The following DYSF variants were observed in gnomAD, a reference collection of about 807,000 sequenced individuals.
DYSF encodes dystrophy-associated fer-1-like 1.
Under a neutral mutation model 274.9 loss-of-function variants are expected in DYSF, and 212 were observed. The ratio of observed to expected loss-of-function variants is 0.77; its 90% CI spans 0.69 to 0.86. The LOEUF (loss-of-function observed/expected upper bound fraction) is 0.86. DYSF is among the 40% of genes least tolerant of loss of function. The pLI is 0.00. For missense variants in DYSF, 2,666 were observed against 2,783.2 expected (o/e 0.96, Z 0.95); for synonymous variants, 1,091 against 1,078.7 (o/e 1.01, Z -0.22).
intron 49 of DYSF, 119 bp from the exon 50 acceptor site, chr2:71,668,993 C>A: frequency 7.8e-7 from 1 of 1,286,802 alleles, no homozygotes; most frequent in Non-Finnish European, 1.1e-6. Context: ...GGGCCAGTGT[C>A]CAGCCAGGCA....
intron 16 of DYSF, among the ~76,000 whole-genome samples, chr2:71,536,973 AAAC>A (rs568522624): frequency 1.3e-5 from 2 of 152,034 alleles, no homozygotes; most frequent in Non-Finnish European, 2.9e-5. Context: ...AAACCAAACC[AAAC>A]AACAACAACA....
At chr2:71,546,610 C>T (rs4852805) in intron 17 of DYSF, among the ~76,000 whole-genome samples, 90,733 of 152,116 alleles carry the variant, frequency 0.6, 28,212 homozygotes, top group Middle Eastern at 0.73. Flanking sequence ...GTAACAGGCA[C>T]GTGAGCTCTG....
In DYSF at chr2:71,660,570, A is replaced by T; in HGVS notation, c.4922A>T (p.Tyr1641Phe). 6.2e-7 allele frequency: 1 copy of T among 1,613,964 alleles called. No individual in the cohort carries two copies. The highest frequency in any genetic ancestry group is 8.5e-7 in the Non-Finnish European group (1 of 1,179,810). ...PKDPNGKCDP[Y>F]IKISIGKKSV... Reference sequence around the variant, plus strand: ...TGTCTCCTCCTCCAGTGTGATCCTTACATCAAGATCTCCATAGGGAAGAAA... The same window carrying T: ...TGTCTCCTCCTCCAGTGTGATCCTTTCATCAAGATCTCCATAGGGAAGAAA... Residue 1641 changes from tyrosine (Y) to phenylalanine (F), a missense_variant, in exon 45 of 56, where the codon TAC (tyrosine) becomes TTC (phenylalanine). This residue lies in a region of DYSF where 1,460 missense variants were observed against 1,502.1 expected (regional missense o/e 0.97). Transcript: ENST00000410020.
chr2:71,600,661 G>C (rs2093527840), intron 33 of DYSF, 41 bp from the exon 34 acceptor site: 1 of 1,613,582 alleles, frequency 6.2e-7, no homozygotes. Context: ...TAGAGCCCTG[G>C]GTAAGGGATG....
chr2:71,490,126 A>G (rs2083706649), intron 3 of DYSF, among the ~76,000 whole-genome samples: 2 of 152,320 alleles, frequency 1.3e-5, no homozygotes, highest in South Asian at 4.1e-4. Context: ...AGTGTGCACT[A>G]GCATTGCATA....
intron 32 of DYSF, among the ~76,000 whole-genome samples, chr2:71,592,171 C>T (rs1191842947): frequency 6.6e-6 from 1 of 152,154 alleles, no homozygotes; most frequent in Non-Finnish European, 1.5e-5. Context: ...CAGAAGCCCC[C>T]TTGTCCTCTG....
chr2:71,459,714 G>A (rs974491223), intron 1 of DYSF, among the ~76,000 whole-genome samples: 1 of 152,126 alleles, frequency 6.6e-6, no homozygotes, highest in South Asian at 2.1e-4. Flanking sequence ...ACCAGTGACC[G>A]CTTCTGAGAC....
intron 3 of DYSF, among the ~76,000 whole-genome samples, chr2:71,495,884 T>G (rs1386589325): frequency 6.6e-6 from 1 of 150,948 alleles, no homozygotes; most frequent in Non-Finnish European, 1.5e-5. Flanking sequence ...ACTGTGGGTG[T>G]GGAGGCATGG....
chr2:71,496,561 G>A lies in DYSF; in HGVS notation c.240-6653G>A, dbSNP rs10166384. 0.61 allele frequency among the ~76,000 whole-genome samples: 92,271 copies of A among 151,878 alleles called. 28,494 individuals carry two copies. The highest frequency in any genetic ancestry group is 0.65 in the Non-Finnish European group (44,002 of 67,920). ...TAGCTGTCTATGTACCGACATAGACGGTAGGGGCTGTCCTGAGTTGCTGGA... is the reference window on the plus strand; with the variant it reads ...TAGCTGTCTATGTACCGACATAGACAGTAGGGGCTGTCCTGAGTTGCTGGA... On this transcript the variant is annotated intron_variant, in intron 3 of 55. Transcript: ENST00000410020.
intron 3 of DYSF, among the ~76,000 whole-genome samples, chr2:71,482,988 G>A (rs542781875): frequency 1.3e-5 from 2 of 152,262 alleles, no homozygotes; most frequent in South Asian, 4.1e-4. Flanking sequence ...GGCAGAAGGG[G>A]TTGGGGAGGA....
intron 45 of DYSF, among the ~76,000 whole-genome samples, chr2:71,661,935 T>TTCCAGGGGCTGGCGAGC (rs1258347477): frequency 6.6e-6 from 1 of 151,958 alleles, no homozygotes; most frequent in Non-Finnish European, 1.5e-5. Flanking sequence ...TCTGTATGAG[T>TTCCAGGGGCTGGCGAGC]TCCAGGGGCT....
rs188420271 is a variant in DYSF at position 71,573,763 on chromosome 2, G to C, written c.3229-435G>C. ...AGCCTACCTTCCTTTCTGGCTGTTT[G>C]GTTCTTCCCGCAGCCCATGGAGCCT... On this transcript the variant is annotated intron_variant, in intron 29 of 55. Transcript: ENST00000410020. Among the ~76,000 whole-genome samples the C allele has an allele frequency of 1.0e-3, 152 of 152,174 alleles. 1 individual carries two copies. The highest frequency in any genetic ancestry group is 3.4e-3 in the African/African-American group (140 of 41,526).
intron 12 of DYSF, 91 bp downstream of exon 12, chr2:71,520,995 T>C: frequency 9.1e-7 from 1 of 1,098,596 alleles, no homozygotes. Flanking sequence ...TCTATTTTTT[T>C]TTCTGATTTA....
chr2:71,673,889 C>T (rs2095173396), intron 51 of DYSF, among the ~76,000 whole-genome samples: 1 of 152,190 alleles, frequency 6.6e-6, no homozygotes, highest in African/African-American at 2.4e-5. Flanking sequence ...CAGGCACATT[C>T]CTTTAACTTC....
chr2:71,515,502 A>G (rs2086562328), intron 7 of DYSF, 121 bp from the exon 8 acceptor site: 10 of 1,434,908 alleles, frequency 7.0e-6, no homozygotes, highest in East Asian at 2.3e-5. Context: ...TTCCTTTTTA[A>G]TACTTTCCCC....
intron 30 of DYSF, among the ~76,000 whole-genome samples, chr2:71,582,000 A>G (rs1387073691): frequency 3.4e-5 from 5 of 148,414 alleles, no homozygotes; most frequent in African/African-American, 1.2e-4. Flanking sequence ...AAAATTATTC[A>G]GGAGGCTGAG....
chr2:71,592,296 C>T (rs2093289759), intron 32 of DYSF, among the ~76,000 whole-genome samples: 1 of 152,214 alleles, frequency 6.6e-6, no homozygotes, highest in Admixed American at 6.5e-5. Flanking sequence ...TGGCACTGGT[C>T]TGCGGAGACG....
At chr2:71,498,205 T>C (rs1388195226) in intron 3 of DYSF, among the ~76,000 whole-genome samples, 1 of 152,210 alleles carries the variant, frequency 6.6e-6, no homozygotes, top group Non-Finnish European at 1.5e-5. Context: ...CATTCCAGCC[T>C]TTGTGTGATG....
intron 3 of DYSF, among the ~76,000 whole-genome samples, chr2:71,482,497 G>A (rs2083001988): frequency 6.6e-6 from 1 of 152,156 alleles, no homozygotes; most frequent in Non-Finnish European, 1.5e-5. Context: ...GCTTCCCTGT[G>A]TTGGGGTTTC....
Sources: gnomAD v4.1 joint callset for allele counts (sites outside exome capture counted in the v4.1 genomes callset) on GRCh38, gnomAD v4.1.1 for gene constraint, gnomAD v4.1.1 regional missense constraint, MANE v1.5 for transcripts, NCBI Gene and HGNC (gene_info 2026-07-23, HGNC 2026-07-21) for gene names.